The following WNT11 variants were observed in gnomAD, a reference collection of about 807,000 sequenced individuals.
The protein encoded by WNT11 is protein Wnt-11.
In WNT11, 20 loss-of-function variants were observed where a neutral mutation model predicts 35.6. The observed-to-expected ratio is 0.56, with a 90% CI of 0.40 to 0.82. The LOEUF (loss-of-function observed/expected upper bound fraction) is 0.82, where lower values mean the gene tolerates loss of function less well. Among genes scored for constraint, WNT11 ranks in the 40% least tolerant of loss-of-function variants. The pLI is 0.00. For missense variants in WNT11, 459 were observed against 504.4 expected, an observed-to-expected ratio of 0.91 and a Z score of 0.86; for synonymous variants, 200 against 211.9, an observed-to-expected ratio of 0.94 and a Z score of 0.49.
intron 1 of WNT11, among the ~76,000 whole-genome samples, chr11:76,205,735 T>A (rs538671903): frequency 6.6e-6 from 1 of 152,248 alleles, no homozygotes; most frequent in East Asian, 1.9e-4. Flanking sequence ...GCGTGAATAA[T>A]TTCTATCTAA....
intron 4 of WNT11, among the ~76,000 whole-genome samples, chr11:76,187,577 C>T (rs1256141000): frequency 6.6e-6 from 1 of 151,800 alleles, no homozygotes; most frequent in African/African-American, 2.4e-5. Flanking sequence ...CACCCAGGCC[C>T]CCGGCTCAAG....
rs200521278 is a variant in WNT11, at chr11:76,194,832, G to A, written c.332C>T (p.Ser111Leu). 20 of 1,517,878 alleles carry A rather than the reference G, an allele frequency of 1.3e-5. No homozygotes were observed. The highest frequency in any genetic ancestry group is 2.4e-5 in the East Asian group (1 of 41,748). The allele number at this position is 1,517,878 out of a possible 1,614,324, so 94.0% of individuals were successfully genotyped here. The change falls in exon 3 of 5, where the codon TCG becomes TTG. Residue 111 changes from serine (S) to leucine (L), a missense_variant. Ser to Leu is a moderately radical substitution (Grantham distance 145). Coordinates refer to ENST00000322563, the MANE Select transcript of WNT11 (RefSeq NM_004626.3). The surrounding 1 kb of genome is among the most constrained non-coding windows in gnomAD (Gnocchi z 5.4). ...LLDLERGTRE[S>L]AFVYALSAAA... ...GGCCGACAGCGCATACACGAAGGCC[G>A]ACTCCCGGGTCCCTGAGGGTGGGAG...
upstream of WNT11, among the ~76,000 whole-genome samples, chr11:76,209,592 G>T (rs1196606463): frequency 6.6e-6 from 1 of 152,144 alleles, no homozygotes; most frequent in East Asian, 1.9e-4. Flanking sequence ...GCGGGGCGAG[G>T]CCGGGCCTGC....
intron 1 of WNT11, among the ~76,000 whole-genome samples, chr11:76,201,089 G>T (rs1953367196): frequency 6.6e-6 from 1 of 152,188 alleles, no homozygotes; most frequent in African/African-American, 2.4e-5. Context: ...GAGCTACCCT[G>T]GGTCTCAGTC....
chr11:76,193,494 G>C lies in WNT11; in HGVS notation c.597+1073C>G, dbSNP rs1424783773. On this transcript the variant is annotated intron_variant, in intron 3 of 4. Coordinates refer to ENST00000322563, the MANE Select transcript of WNT11 (RefSeq NM_004626.3). ...CCACTGGGTTTCATGAGCAGGGGTA[G>C]GGGACAGGTCAGCAGGGCCAGGAGG... is the stretch of plus-strand genomic sequence containing the variant. Among the ~76,000 whole-genome samples, 5 of 152,380 alleles carry C rather than the reference G, an allele frequency of 3.3e-5. No individual in the cohort carries two copies. In the South Asian group the frequency reaches 8.3e-4, roughly 25 times the overall value.
intron 3 of WNT11, among the ~76,000 whole-genome samples, chr11:76,192,494 G>A (rs536770406): frequency 7.0e-4 from 106 of 152,320 alleles, no homozygotes; most frequent in African/African-American, 2.4e-3. Context: ...AAGCCACATC[G>A]CCACTCAGGG....
At chr11:76,209,093 C>G (rs985263852), upstream of WNT11, among the ~76,000 whole-genome samples, 3 of 152,196 alleles carry the variant, frequency 2.0e-5, no homozygotes, top group Non-Finnish European at 4.4e-5. Flanking sequence ...GGGAGTGCCC[C>G]CTGTGTCCTG....
chr11:76,196,343 C>T, intron 2 of WNT11, 140 bp downstream of exon 2: 1 of 969,992 alleles, frequency 1.0e-6, no homozygotes, highest in Non-Finnish European at 1.6e-6. Flanking sequence ...TCCATCCATG[C>T]CTGTATCCAC....
chr11:76,188,637 G>A (rs1487404708), intron 4 of WNT11, among the ~76,000 whole-genome samples: 1 of 152,270 alleles, frequency 6.6e-6, no homozygotes, highest in Non-Finnish European at 1.5e-5. Flanking sequence ...AGATGGGAAA[G>A]TCCTAGAGAT....
chr11:76,202,840 T>C (rs985128624), intron 1 of WNT11, among the ~76,000 whole-genome samples: 3 of 152,116 alleles, frequency 2.0e-5, no homozygotes, highest in Non-Finnish European at 4.4e-5. Flanking sequence ...CCTCACTGTA[T>C]AGATAGAGAA....
chr11:76,192,035 T>C (rs1204331694), intron 3 of WNT11, among the ~76,000 whole-genome samples, 179 bp from the exon 4 acceptor site: 2 of 151,930 alleles, frequency 1.3e-5, no homozygotes, highest in African/African-American at 2.4e-5. Flanking sequence ...CCTGCAACCG[T>C]GGGGGGCACA....
At chr11:76,204,889 C>T (rs538308519) in intron 1 of WNT11, among the ~76,000 whole-genome samples, 4 of 152,272 alleles carry the variant, frequency 2.6e-5, no homozygotes, top group South Asian at 4.1e-4. Context: ...AGGCCTCTGA[C>T]GCTCCTTCAG....
At position 76,187,104 on chromosome 11, in the gene WNT11, G is replaced by T; in HGVS notation, c.1026C>A (p.Arg342=). 1 of 1,612,128 alleles carries T rather than the reference G, an allele frequency of 6.2e-7. No homozygotes were observed. ...KYHWCCYVTC[R]RCERTVERYV... ...AGCGCTCCACGGTACGCTCACACCT[G>T]CGGCAGGTGACGTAGCAGCACCAGT... The change falls in exon 5 of 5, where the codon CGC becomes CGA. Residue 342 remains arginine, a synonymous_variant. Coordinates refer to ENST00000322563, the MANE Select transcript of WNT11 (RefSeq NM_004626.3).
At chr11:76,202,326 C>T (rs939787034) in intron 1 of WNT11, among the ~76,000 whole-genome samples, 3 of 152,202 alleles carry the variant, frequency 2.0e-5, no homozygotes, top group Non-Finnish European at 4.4e-5. Flanking sequence ...GGGACTCAGT[C>T]TTGCCCTGGA....
rs374962374 is a variant in WNT11 at position 76,200,291 on chromosome 11, C to T, written c.84-3573G>A. 4.7e-4 allele frequency among the ~76,000 whole-genome samples: 71 copies of T among 152,304 alleles called. No individual in the cohort carries two copies. In the South Asian group the frequency reaches 0.011, roughly 23 times the overall value. ...GGTGGGCCACACAGCATCCCTCAGA[C>T]GCGGTTTCTTGACCTAAATGGAACT... On this transcript the variant is annotated intron_variant, in intron 1 of 4. Transcript: ENST00000322563.
In WNT11 at chr11:76,187,251, G is replaced by T; in HGVS notation, c.891-12C>A. On this transcript the variant is annotated splice_polypyrimidine_tract_variant and intron_variant, in intron 4 of 4. Coordinates refer to ENST00000322563, the MANE Select transcript of WNT11 (RefSeq NM_004626.3). Reference sequence around the variant, plus strand: ...TCTTGTTGCACTGCCTATTGTGGGGGCAGGAAGGAGGTCAGTGCATGCCTT... The same window carrying T: ...TCTTGTTGCACTGCCTATTGTGGGGTCAGGAAGGAGGTCAGTGCATGCCTT... The T allele has an allele frequency of 6.3e-7, 1 of 1,598,858 alleles. No homozygotes were observed. Among genetic ancestry groups the T allele is most frequent in the Non-Finnish European group, 8.5e-7 (1 of 1,178,864 alleles).
chr11:76,187,374 T>C, intron 4 of WNT11, 135 bp from the exon 5 acceptor site: 1 of 832,348 alleles, frequency 1.2e-6, no homozygotes, highest in Non-Finnish European at 1.7e-6. Flanking sequence ...TGTCTTGATC[T>C]TTGGGGAATT....
chr11:76,210,078 G>A (rs1953539837), upstream of WNT11, among the ~76,000 whole-genome samples: 1 of 151,116 alleles, frequency 6.6e-6, no homozygotes, highest in African/African-American at 2.4e-5. Flanking sequence ...CCTCTGTCGC[G>A]GGATCCAAGT....
At chr11:76,210,657 C>G (rs1257679898), upstream of WNT11, 52 of 985,110 alleles carry the variant, frequency 5.3e-5, no homozygotes, top group Non-Finnish European at 6.1e-5. Context: ...GCTCAGGACC[C>G]GCGCGGAGTC....
Sources: allele counts gnomAD v4.1 joint callset (sites outside exome capture counted in the v4.1 genomes callset), GRCh38; gene constraint gnomAD v4.1.1; non-coding constraint Gnocchi (gnomAD v3.1); transcripts MANE v1.5; gene names NCBI Gene and HGNC (gene_info 2026-07-23, HGNC 2026-07-21).